The following SMC5 variants were observed in gnomAD, a reference collection of about 807,000 sequenced individuals.
SMC5 encodes structural maintenance of chromosomes protein 5.
In SMC5, 88 loss-of-function variants were observed where a neutral mutation model predicts 148.3. The ratio of observed to expected loss-of-function variants is 0.59; its 90% CI spans 0.50 to 0.71. SMC5 has a LOEUF of 0.71. Ranked by LOEUF, SMC5 falls within the 30% of genes least tolerant of loss-of-function variation. The pLI, the probability that SMC5 is intolerant of heterozygous loss-of-function variation, is 0.00. For synonymous variants in SMC5, 421 were observed against 432.8 expected (o/e 0.97, Z 0.34); for missense variants, 1,142 against 1,298.9 (o/e 0.88, Z 1.86).
intron 3 of SMC5, among the ~76,000 whole-genome samples, chr9:70,273,972 T>C (rs2034517999): frequency 6.6e-6 from 1 of 152,240 alleles, no homozygotes; most frequent in Admixed American, 6.5e-5. Context: ...GTTGTCAGAT[T>C]GATACCTTAA....
intron 10 of SMC5, among the ~76,000 whole-genome samples, chr9:70,304,541 G>A (rs1453400080): frequency 6.6e-6 from 1 of 152,114 alleles, no homozygotes; most frequent in Non-Finnish European, 1.5e-5. Context: ...ACAAAAATTA[G>A]CTGGGCATGG....
chr9:70,336,783 A>G (rs1028827434), intron 17 of SMC5, among the ~76,000 whole-genome samples: 1 of 152,244 alleles, frequency 6.6e-6, no homozygotes, highest in Non-Finnish European at 1.5e-5. Context: ...CCCATCAGGC[A>G]GATACTATTA....
chr9:70,318,425 C>A, intron 13 of SMC5, 89 bp from the exon 14 acceptor site: 2 of 1,119,078 alleles, frequency 1.8e-6, no homozygotes, highest in South Asian at 2.2e-5. Context: ...TTTGATCTTC[C>A]AAAATTCACT....
Position 70,300,285 on chromosome 9 carries a change from T to TA in SMC5, c.1464+86dup, listed in dbSNP as rs2035324265. ...TTTTAAGACATTTTAGTCCCAATAT[T>TA]ACCCTGGTTTTACATTATCAGACTT... On this transcript the variant is annotated intron_variant, in intron 10 of 24. Coordinates refer to ENST00000361138, the MANE Select transcript of SMC5 (RefSeq NM_015110.4). The TA allele has an allele frequency of 1.9e-5, 24 of 1,252,438 alleles. No individual in the cohort carries two copies. The South Asian group carries it at 3.5e-4, about 18-fold the overall frequency. 77.6% of individuals were successfully genotyped at this position (1,252,438 alleles called of 1,614,324 possible).
Position 70,259,003 on chromosome 9 carries a change from G to T in SMC5, c.-76G>T. The T allele has an allele frequency of 6.8e-7, 1 of 1,470,274 alleles. No individual in the cohort carries two copies. The highest frequency in any genetic ancestry group is 9.0e-7 in the Non-Finnish European group (1 of 1,106,814). The allele number at this position is 1,470,274 out of a possible 1,614,324, so 91.1% of individuals were successfully genotyped here. ...AGTTCGCGCGGGAGCGGGGCGCCTG[G>T]GTGGATGGGCGCTTGGGCGCCTGGG... On this transcript the variant is annotated 5_prime_UTR_variant, in exon 1 of 25. Coordinates refer to ENST00000361138, the MANE Select transcript of SMC5 (RefSeq NM_015110.4).
intron 1 of SMC5, among the ~76,000 whole-genome samples, chr9:70,261,594 G>A (rs1001057633): frequency 7.9e-5 from 12 of 152,224 alleles, no homozygotes; most frequent in Non-Finnish European, 1.3e-4. Flanking sequence ...TAGGCAGAAT[G>A]TAGGAGTCTG....
intron 3 of SMC5, among the ~76,000 whole-genome samples, chr9:70,275,267 C>T (rs2034557021): frequency 1.3e-5 from 2 of 152,092 alleles, no homozygotes; most frequent in Admixed American, 1.3e-4. Flanking sequence ...GGGTCTCACC[C>T]TGTCATGATC....
At chr9:70,283,815 T>C (rs2034822911) in intron 7 of SMC5, among the ~76,000 whole-genome samples, 1 of 152,142 alleles carries the variant, frequency 6.6e-6, no homozygotes, top group South Asian at 2.1e-4. Context: ...ACAGGCATCA[T>C]CTCTATTTTT....
At position 70,337,498 on chromosome 9, in the gene SMC5, G is replaced by A. The variant is rs1342319383; in HGVS notation, c.2398-6646G>A. Among the ~76,000 whole-genome samples the A allele has an allele frequency of 4.9e-5, 7 of 142,156 alleles. No individual in the cohort carries two copies. In the East Asian group the frequency reaches 1.5e-3, roughly 30 times the overall value. 93.3% of individuals were successfully genotyped at this position (142,156 alleles called of 152,430 possible). The stretch of plus-strand genomic sequence containing the variant: ...TTGGAGACAGTCTTGCTCTGTCACC[G>A]AGGCTGGAGTGCAGTGGCACAATCT... On this transcript the variant is annotated intron_variant, in intron 17 of 24. Transcript: ENST00000361138.
chr9:70,337,450 G>GTT (rs201218742), intron 17 of SMC5, among the ~76,000 whole-genome samples: 88 of 119,934 alleles, frequency 7.3e-4, no homozygotes, highest in African/African-American at 3.3e-3. Context: ...TTTGGGATTT[G>GTT]TTTTTTTTTT....
At chr9:70,299,382 A>C (rs1222629154) in intron 9 of SMC5, among the ~76,000 whole-genome samples, 3 of 151,876 alleles carry the variant, frequency 2.0e-5, no homozygotes, top group Non-Finnish European at 4.4e-5. Context: ...GGGAAAAAAA[A>C]AGCTGTCTTA....
At chr9:70,266,845 A>C (rs746562683) in intron 2 of SMC5, among the ~76,000 whole-genome samples, 4 of 152,192 alleles carry the variant, frequency 2.6e-5, no homozygotes, top group Non-Finnish European at 5.9e-5. Flanking sequence ...TAATTCTTGC[A>C]AGCTAATGAG....
chr9:70,329,783 C>T (rs940699267), intron 17 of SMC5, among the ~76,000 whole-genome samples: 1 of 152,156 alleles, frequency 6.6e-6, no homozygotes, highest in Non-Finnish European at 1.5e-5. Flanking sequence ...AGTACATTCT[C>T]ACACTTCTAT....
chr9:70,351,091 C>T (rs1241359492), intron 24 of SMC5, among the ~76,000 whole-genome samples: 3 of 152,116 alleles, frequency 2.0e-5, no homozygotes, highest in Non-Finnish European at 4.4e-5. Context: ...CTGGCTCATA[C>T]CTGTAGTCCC....
At chr9:70,350,739 GA>G (rs768361441) in intron 24 of SMC5, among the ~76,000 whole-genome samples, 3 of 152,138 alleles carry the variant, frequency 2.0e-5, no homozygotes, top group Non-Finnish European at 4.4e-5. Context: ...AGCACTGAAA[GA>G]TGAGTGGGGA....
Position 70,259,250 on chromosome 9 carries a change from A to T in SMC5, c.172A>T (p.Met58Leu). 6.3e-7 allele frequency: 1 copy of T among 1,589,210 alleles called. No homozygotes were observed. Among genetic ancestry groups the T allele is most frequent in the Non-Finnish European group, 8.6e-7 (1 of 1,166,966 alleles). ...GGAAGGCTCTATCGTCCGCATCTCG[A>T]TGGAGAACTTCCTGTAAGTTGCCCG... ...FVEGSIVRIS[M>L]ENFLTYDICE... Residue 58 changes from methionine to leucine, a missense_variant, in exon 1 of 25, where the codon ATG becomes TTG. Physicochemically the swap from Met to Leu is conservative, Grantham distance 15. This residue lies in a region of SMC5 where 297 missense variants were observed against 302.6 expected (regional missense o/e 0.98). Coordinates refer to ENST00000361138, the MANE Select transcript of SMC5 (RefSeq NM_015110.4).
chr9:70,267,976 G>C lies in SMC5; in HGVS notation c.380+1G>C. 6.2e-7 allele frequency: 1 copy of C among 1,611,884 alleles called. No individual in the cohort carries two copies. ...CTAGAGGCATGGTTGAAATTGAATT[G>C]TAAGTGTTAAAAGTGCTAAAACTCC... is the stretch of plus-strand genomic sequence containing the variant. On this transcript the variant is annotated splice_donor_variant, in intron 3 of 24. Coordinates refer to ENST00000361138, the MANE Select transcript of SMC5 (RefSeq NM_015110.4). LOFTEE classifies it high-confidence loss of function.
At chr9:70,322,001 G>T (rs1226628106) in intron 15 of SMC5, among the ~76,000 whole-genome samples, 4 of 152,066 alleles carry the variant, frequency 2.6e-5, no homozygotes, top group Admixed American at 1.3e-4. Context: ...CTTGAATAAG[G>T]TATGTTTACC....
At position 70,347,103 on chromosome 9, in the gene SMC5, A is replaced by T; in HGVS notation, c.2606A>T (p.Asp869Val). 1 of 1,613,922 alleles carries T rather than the reference A, an allele frequency of 6.2e-7. No homozygotes were observed. Among genetic ancestry groups the T allele is most frequent in the Admixed American group, 1.7e-5 (1 of 59,984 alleles). The part of the protein sequence containing the change: ...QDLPNTLDEI[D>V]ALLTEERSRA... ...CTTCCAAACACATTGGATGAAATTG[A>T]TGCTTTATTAACTGAAGAAAGATCA... The change falls in exon 20 of 25, where the codon GAT becomes GTT. Residue 869 changes from aspartate to valine, a missense_variant. Transcript: ENST00000361138.
Sources: gnomAD v4.1 joint callset for allele counts (sites outside exome capture counted in the v4.1 genomes callset) on GRCh38, gnomAD v4.1.1 for gene constraint, gnomAD v4.1.1 regional missense constraint, MANE v1.5 for transcripts, NCBI Gene and HGNC (gene_info 2026-07-23, HGNC 2026-07-21) for gene names.